Variants in TRAF7 observed in about 807,000 individuals in gnomAD.
TRAF7 encodes the protein E3 ubiquitin-protein ligase TRAF7.
TRAF7 carries 45 observed loss-of-function variants against 89.3 expected under a neutral mutation model. That is an observed-to-expected ratio of 0.50 (90% CI 0.40 to 0.65). The LOEUF (loss-of-function observed/expected upper bound fraction) is 0.65. Among genes scored for constraint, TRAF7 ranks in the 30% least tolerant of loss-of-function variants. The pLI is 0.00. For synonymous variants in TRAF7, 406 were observed against 369.2 expected (o/e 1.10, Z -1.14); for missense variants, 677 against 918.1 (o/e 0.74, Z 3.39).
In TRAF7 at chr16:2,158,245, C is replaced by T. The variant is rs750938573; in HGVS notation, c.-39+2387C>T. Among the ~76,000 whole-genome samples, 12 of 151,832 alleles carry T rather than the reference C, an allele frequency of 7.9e-5. 1 individual carries two copies. Among genetic ancestry groups the T allele is most frequent in the Middle Eastern group, 3.4e-3 (1 of 294 alleles). On this transcript the variant is annotated intron_variant, in intron 1 of 20. Coordinates refer to ENST00000326181, the MANE Select transcript of TRAF7 (RefSeq NM_032271.3). This position sits in a 1 kb window ranked among gnomAD's most constrained non-coding sequence, Gnocchi z 4.7. Reference sequence around the variant, plus strand: ...CACCAGGCCCTCTGTGTGGATCATGCGGGGGGAACCTGTGGAGAGGGACCC... The same window carrying T: ...CACCAGGCCCTCTGTGTGGATCATGTGGGGGGAACCTGTGGAGAGGGACCC...
rs1233963010 is a variant in TRAF7, at chr16:2,162,313, G to A, written c.-38-1570G>A. The stretch of plus-strand genomic sequence containing the variant: ...CAGGTGCAGGGAACCAAGGGCTTGA[G>A]AGCCAGCCCCTCCCTGCACACCTGT... On this transcript the variant is annotated intron_variant, in intron 1 of 20. Coordinates refer to ENST00000326181, the MANE Select transcript of TRAF7 (RefSeq NM_032271.3). The surrounding 1 kb of genome is among the most constrained non-coding windows in gnomAD (Gnocchi z 5.0). 6.6e-6 allele frequency among the ~76,000 whole-genome samples: 1 copy of A among 151,314 alleles called. No individual in the cohort carries two copies. The highest frequency in any genetic ancestry group is 1.9e-4 in the East Asian group (1 of 5,176).
intron 7 of TRAF7, 138 bp from the exon 8 acceptor site, chr16:2,172,053 C>T: frequency 2.0e-6 from 2 of 1,002,656 alleles, no homozygotes; most frequent in Non-Finnish European, 3.0e-6. Context: ...TGGTGGCCCA[C>T]CTGTGCCCCC....
At position 2,161,745 on chromosome 16, in the gene TRAF7, C is replaced by T. The variant is rs1433599866; in HGVS notation, c.-38-2138C>T. ...GCACTTCAGGCTATCAGGGCCTTAC[C>T]CCAGCTGGGACATCCTCACCCCAAG... On this transcript the variant is annotated intron_variant, in intron 1 of 20. Transcript: ENST00000326181. This position sits in a 1 kb window ranked among gnomAD's most constrained non-coding sequence, Gnocchi z 5.2. Among the ~76,000 whole-genome samples the T allele has an allele frequency of 5.3e-5, 8 of 152,166 alleles. No individual in the cohort carries two copies. Among genetic ancestry groups the T allele is most frequent in the Admixed American group, 5.2e-4 (8 of 15,282 alleles).
At chr16:2,174,605 C>T (rs1254558954) in intron 14 of TRAF7, among the ~76,000 whole-genome samples, 2 of 152,114 alleles carry the variant, frequency 1.3e-5, no homozygotes, top group Non-Finnish European at 2.9e-5. Context: ...CCTTGCGCAA[C>T]CAGAAGATAG....
intron 2 of TRAF7, among the ~76,000 whole-genome samples, chr16:2,165,094 C>T (rs1206428610): frequency 8.0e-6 from 1 of 124,664 alleles, no homozygotes; most frequent in South Asian, 2.4e-4. Flanking sequence ...CTGGCCTGGT[C>T]GCATGGTTAA....
Position 2,166,325 on chromosome 16 carries a change from C to G in TRAF7, c.139+389C>G, listed in dbSNP as rs142547799. Among the ~76,000 whole-genome samples the G allele has an allele frequency of 6.1e-3, 928 of 152,300 alleles. 10 individuals carry two copies. Among genetic ancestry groups the G allele is most frequent in the African/African-American group, 0.021 (863 of 41,568 alleles). ...GGTCCCGTGTGCCCGGAGGTCTTCT[C>G]TTGAGTTTGGCCCTAGGGCTTCAGT... On this transcript the variant is annotated intron_variant, in intron 3 of 20. Transcript: ENST00000326181.
At position 2,163,024 on chromosome 16, in the gene TRAF7, C is replaced by T. The variant is rs952416554; in HGVS notation, c.-38-859C>T. Among the ~76,000 whole-genome samples the T allele has an allele frequency of 1.5e-4, 22 of 151,288 alleles. No individual in the cohort carries two copies. Among genetic ancestry groups the T allele is most frequent in the Admixed American group, 5.2e-4 (8 of 15,308 alleles). ...GGACAGCCCCTTCCCCGGGCTCTGT[C>T]CTGGGTGTGACCTGTTGGCTGGGTC... On this transcript the variant is annotated intron_variant, in intron 1 of 20. Transcript: ENST00000326181. This position sits in a 1 kb window ranked among gnomAD's most constrained non-coding sequence, Gnocchi z 4.3.
Position 2,155,878 on chromosome 16 carries a change from G to A in TRAF7, c.-39+20G>A, listed in dbSNP as rs1354229628. The A allele has an allele frequency of 6.6e-6, 1 of 150,534 alleles. No individual in the cohort carries two copies. The highest frequency in any genetic ancestry group is 6.6e-5 in the Admixed American group (1 of 15,134). The allele number at this position is 150,534 out of a possible 1,614,324, so 9.3% of individuals were successfully genotyped here. Reference sequence around the variant, plus strand: ...GGGCGGGTGAGTGTCCCCGCGGCGCGCCCGACCCGGGGCTCGCGCCTCGGG... The same window carrying A: ...GGGCGGGTGAGTGTCCCCGCGGCGCACCCGACCCGGGGCTCGCGCCTCGGG... On this transcript the variant is annotated intron_variant, in intron 1 of 20. Transcript: ENST00000326181.
chr16:2,164,574 A>C (rs9927101), intron 2 of TRAF7, among the ~76,000 whole-genome samples: 12 of 35,708 alleles, frequency 3.4e-4, no homozygotes, highest in East Asian at 3.3e-3. Flanking sequence ...ATGGTTAAGC[A>C]TGTTAGTGCT....
At position 2,168,803 on chromosome 16, in the gene TRAF7, G is replaced by A. The variant is rs146041462; in HGVS notation, c.231+635G>A. On this transcript the variant is annotated intron_variant, in intron 4 of 20. Coordinates refer to ENST00000326181, the MANE Select transcript of TRAF7 (RefSeq NM_032271.3). The surrounding 1 kb of genome is among the most constrained non-coding windows in gnomAD (Gnocchi z 4.1). The stretch of plus-strand genomic sequence containing the variant: ...GTTCCCTGCCATCCTGGTCAATGGC[G>A]CTCATTGCTGGGCTCTGGGCCTACC... Among the ~76,000 whole-genome samples the A allele has an allele frequency of 1.6e-3, 236 of 152,074 alleles. 1 individual carries two copies. The highest frequency in any genetic ancestry group is 2.7e-3 in the South Asian group (13 of 4,828).
At chr16:2,160,286 G>C (rs1311438236) in intron 1 of TRAF7, among the ~76,000 whole-genome samples, 1 of 152,036 alleles carries the variant, frequency 6.6e-6, no homozygotes, top group Non-Finnish European at 1.5e-5. Flanking sequence ...CCTCTGCACG[G>C]TGCTGACCCA....
In TRAF7 at chr16:2,170,669, A is replaced by G. The variant is rs374293398; in HGVS notation, c.287A>G (p.His96Arg). 6.2e-6 allele frequency: 10 copies of G among 1,609,874 alleles called. 1 individual carries two copies. The South Asian group carries it at 8.9e-5, about 14-fold the overall frequency. ...SDSAISVRSL[H>R]SESSMSLRST... ...TCCGCCATCTCTGTCCGCTCCCTGC[A>G]CTCAGAGTCCAGCATGTCTCTGCGC... The change falls in exon 5 of 21, where the codon CAC becomes CGC. Residue 96 changes from histidine (H) to arginine (R), a missense_variant. Around this residue, in one of 6 missense-constraint regions of TRAF7, gnomAD observed 240 missense variants for 191.9 expected, o/e 1.25. Transcript: ENST00000326181.
chr16:2,160,095 G>A (rs2093051444), intron 1 of TRAF7, among the ~76,000 whole-genome samples: 1 of 152,184 alleles, frequency 6.6e-6, no homozygotes, highest in Admixed American at 6.5e-5. Context: ...GAGGCGCTGA[G>A]GAAGACTTCC....
intron 4 of TRAF7, among the ~76,000 whole-genome samples, 179 bp from the exon 5 acceptor site, chr16:2,170,435 G>A (rs997673066): frequency 6.6e-6 from 1 of 152,234 alleles, no homozygotes; most frequent in African/African-American, 2.4e-5. Context: ...GCAGGGACCT[G>A]GGTTGCATCA....
At chr16:2,156,283 A>T (rs186098724) in intron 1 of TRAF7, among the ~76,000 whole-genome samples, 1 of 151,926 alleles carries the variant, frequency 6.6e-6, no homozygotes, top group South Asian at 2.1e-4. Flanking sequence ...TGCCCTGTAC[A>T]TTGTAGGATG....
At chr16:2,156,735 G>A (rs1283214587) in intron 1 of TRAF7, among the ~76,000 whole-genome samples, 1 of 146,522 alleles carries the variant, frequency 6.8e-6, no homozygotes, top group African/African-American at 2.5e-5. Flanking sequence ...ATGGTGGGGT[G>A]GGGCGGGGGG....
At chr16:2,164,516 T>C in intron 2 of TRAF7, among the ~76,000 whole-genome samples, 1 of 139,878 alleles carries the variant, frequency 7.1e-6, no homozygotes, top group Non-Finnish European at 1.5e-5. Context: ...TGGCCTGGCC[T>C]GGTCGCATGG....
At chr16:2,176,216 G>A (rs763035990) in intron 19 of TRAF7, 36 bp downstream of exon 19, 2 of 1,601,450 alleles carry the variant, frequency 1.2e-6, no homozygotes, top group Non-Finnish European at 1.7e-6. Flanking sequence ...GAGGCTCAGA[G>A]GGCTGGCAGC....
chr16:2,174,441 C>A, intron 14 of TRAF7, 108 bp downstream of exon 14: 1 of 1,096,934 alleles, frequency 9.1e-7, no homozygotes, highest in Non-Finnish European at 1.3e-6. Flanking sequence ...TATGTGTGTG[C>A]CCCACCTATA....
Sources: gnomAD v4.1 joint callset for allele counts (sites outside exome capture counted in the v4.1 genomes callset) on GRCh38, gnomAD v4.1.1 for gene constraint, gnomAD v4.1.1 regional missense constraint, Gnocchi (gnomAD v3.1) non-coding constraint, MANE v1.5 for transcripts, NCBI Gene and HGNC (gene_info 2026-07-23, HGNC 2026-07-21) for gene names.